Variants in EPHA6 observed in about 807,000 individuals in gnomAD.
EPHA6 encodes ephrin type-A receptor 6.
EPHA6 carries 50 observed loss-of-function variants against 112.0 expected under a neutral mutation model. The ratio of observed to expected loss-of-function variants is 0.45; its 90% CI spans 0.36 to 0.56. The LOEUF (loss-of-function observed/expected upper bound fraction) is 0.56. Ranked by LOEUF, EPHA6 falls within the 20% of genes least tolerant of loss-of-function variation. The probability of loss-of-function intolerance (pLI) is 0.00; values close to 1 mark genes in which losing one functional copy is unlikely to be tolerated. For synonymous variants in EPHA6, 529 were observed against 490.7 expected, an observed-to-expected ratio of 1.08 and a Z score of -1.03; for missense variants, 1,280 against 1,417.4, an observed-to-expected ratio of 0.90 and a Z score of 1.56.
intron 5 of EPHA6, among the ~76,000 whole-genome samples, chr3:97,292,847 G>A (rs376062925): frequency 1.3e-5 from 2 of 150,556 alleles, no homozygotes; most frequent in African/African-American, 2.5e-5. Context: ...GAGGAGACCC[G>A]TGGTGGGTAG....
chr3:96,915,847 G>C (rs1377331821), intron 2 of EPHA6, among the ~76,000 whole-genome samples: 2 of 151,902 alleles, frequency 1.3e-5, no homozygotes, highest in East Asian at 3.9e-4. Flanking sequence ...TATGAAATAG[G>C]TACTGTTTTA....
intron 3 of EPHA6, among the ~76,000 whole-genome samples, chr3:97,026,391 T>C (rs921862209): frequency 1.3e-5 from 2 of 152,196 alleles, no homozygotes; most frequent in African/African-American, 4.8e-5. Context: ...TGATTCTTCC[T>C]ATCCATGAGC....
intron 5 of EPHA6, among the ~76,000 whole-genome samples, chr3:97,363,393 G>A (rs1382512481): frequency 6.7e-6 from 1 of 150,156 alleles, no homozygotes; most frequent in Non-Finnish European, 1.5e-5. Context: ...TGAGTACCAG[G>A]GTTAGACATC....
intron 14 of EPHA6, among the ~76,000 whole-genome samples, chr3:97,655,770 G>A (rs1024480723): frequency 7.3e-6 from 1 of 137,108 alleles, no homozygotes; most frequent in Non-Finnish European, 1.6e-5. Flanking sequence ...GTGGGGGGAG[G>A]GGGGAGGGAT....
chr3:97,638,733 T>C (rs552296592), intron 14 of EPHA6, among the ~76,000 whole-genome samples: 141 of 152,262 alleles, frequency 9.3e-4, no homozygotes, highest in African/African-American at 3.2e-3. Context: ...TCCTTGGTTA[T>C]TGTTTTGAGA....
At chr3:97,242,839 T>G (rs1294948282) in intron 4 of EPHA6, among the ~76,000 whole-genome samples, 1 of 151,742 alleles carries the variant, frequency 6.6e-6, no homozygotes, top group Non-Finnish European at 1.5e-5. Context: ...TTCTAAAATA[T>G]GGCGTGACTG....
chr3:97,480,707 G>T (rs182397189), intron 9 of EPHA6, among the ~76,000 whole-genome samples: 8 of 152,084 alleles, frequency 5.3e-5, no homozygotes, highest in African/African-American at 1.9e-4. Flanking sequence ...TGACAAAACC[G>T]CCATCGTCAT....
chr3:97,648,312 C>A, intron 14 of EPHA6: 1 of 1,368,768 alleles, frequency 7.3e-7, no homozygotes, highest in Non-Finnish European at 1.0e-6. Flanking sequence ...TAACACTTAA[C>A]CTCTGCTATT....
intron 11 of EPHA6, among the ~76,000 whole-genome samples, chr3:97,542,094 GT>G (rs35609794): frequency 0.29 from 41,140 of 141,936 alleles, 8,833 homozygotes; most frequent in African/African-American, 0.6. Flanking sequence ...ATGTTTTTTT[GT>G]TTTTTTTTTT....
chr3:97,474,040 G>A (rs2091301848), intron 7 of EPHA6, among the ~76,000 whole-genome samples: 1 of 151,746 alleles, frequency 6.6e-6, no homozygotes, highest in Admixed American at 6.6e-5. Context: ...CTAAAGTGCT[G>A]TGACTGGTTT....
intron 3 of EPHA6, among the ~76,000 whole-genome samples, chr3:97,023,915 C>T (rs1179622972): frequency 6.6e-6 from 1 of 152,108 alleles, no homozygotes; most frequent in Non-Finnish European, 1.5e-5. Flanking sequence ...CAATATTTTG[C>T]ATTTGAGTAC....
chr3:97,545,174 T>A (rs949069264), intron 11 of EPHA6, among the ~76,000 whole-genome samples: 12 of 152,230 alleles, frequency 7.9e-5, no homozygotes, highest in Non-Finnish European at 1.3e-4. Context: ...CAATTTTAGA[T>A]CTTTCCTGCT....
At chr3:97,480,266 CT>C (rs1320995771) in intron 9 of EPHA6, among the ~76,000 whole-genome samples, 1 of 146,610 alleles carries the variant, frequency 6.8e-6, no homozygotes, top group Non-Finnish European at 1.5e-5. Flanking sequence ...TCATTCTTGG[CT>C]GTTTCTCGGA....
chr3:97,090,419 A>G (rs2047027617), intron 3 of EPHA6, among the ~76,000 whole-genome samples: 1 of 152,108 alleles, frequency 6.6e-6, no homozygotes. Context: ...GCATTGCAGT[A>G]TAAATAAAAG....
intron 14 of EPHA6, among the ~76,000 whole-genome samples, chr3:97,711,506 A>G (rs2033967623): frequency 6.6e-6 from 1 of 152,140 alleles, no homozygotes; most frequent in Non-Finnish European, 1.5e-5. Context: ...GAACCAGGAA[A>G]GATGATGATA....
At chr3:97,296,446 C>G (rs1288590037) in intron 5 of EPHA6, among the ~76,000 whole-genome samples, 1 of 152,072 alleles carries the variant, frequency 6.6e-6, no homozygotes. Context: ...ATCCTCATTC[C>G]CCTTGAAGAA....
chr3:97,304,020 C>A (rs143864527), intron 5 of EPHA6, among the ~76,000 whole-genome samples: 81 of 152,026 alleles, frequency 5.3e-4, no homozygotes, highest in African/African-American at 1.9e-3. Context: ...AATGGGAGTT[C>A]ATTTATGATT....
intron 3 of EPHA6, among the ~76,000 whole-genome samples, chr3:97,019,639 T>A (rs2044383285): frequency 6.6e-6 from 1 of 152,166 alleles, no homozygotes; most frequent in Non-Finnish European, 1.5e-5. Context: ...GGATTATGTG[T>A]TTTCCTCCTT....
intron 5 of EPHA6, among the ~76,000 whole-genome samples, chr3:97,373,734 A>T (rs752127044): frequency 1.3e-5 from 2 of 152,110 alleles, no homozygotes; most frequent in Non-Finnish European, 2.9e-5. Context: ...CTTATCTTTT[A>T]TTGCTATCTT....
Sources: gnomAD v4.1 joint callset for allele counts (sites outside exome capture counted in the v4.1 genomes callset) on GRCh38, gnomAD v4.1.1 for gene constraint, MANE v1.5 for transcripts, NCBI Gene and HGNC (gene_info 2026-07-23, HGNC 2026-07-21) for gene names.